The following PDE10A variants were observed in gnomAD, a reference collection of about 807,000 sequenced individuals.
PDE10A encodes phosphodiesterase 10A.
A neutral mutation model predicts 97.7 loss-of-function variants in PDE10A; 39 were observed. That is an observed-to-expected ratio of 0.40 (90% CI 0.31 to 0.52). The LOEUF is 0.52. Among genes scored for constraint, PDE10A ranks in the 20% least tolerant of loss-of-function variants. The pLI, the probability that PDE10A is intolerant of heterozygous loss-of-function variation, is 0.56. For missense variants in PDE10A, 731 were observed against 1,047.8 expected, an observed-to-expected ratio of 0.70 and a Z score of 4.17; for synonymous variants, 371 against 376.8, an observed-to-expected ratio of 0.98 and a Z score of 0.18.
At chr6:165,563,148 C>T (rs1233400002) in intron 1 of PDE10A, among the ~76,000 whole-genome samples, 5 of 132,466 alleles carry the variant, frequency 3.8e-5, no homozygotes, top group East Asian at 4.3e-4. Context: ...ATCCCACAAC[C>T]GAATACAGGA....
At chr6:165,881,897 A>G (rs1354175022) in intron 1 of PDE10A, among the ~76,000 whole-genome samples, 1 of 152,182 alleles carries the variant, frequency 6.6e-6, no homozygotes, top group East Asian at 1.9e-4. Context: ...TTGAAAAAAC[A>G]TTGCCCGTGA....
At chr6:165,487,560 C>T (rs1394434088) in intron 2 of PDE10A, among the ~76,000 whole-genome samples, 1 of 152,160 alleles carries the variant, frequency 6.6e-6, no homozygotes, top group Non-Finnish European at 1.5e-5. Context: ...CAAAACTGGT[C>T]CCTGGTGCCA....
intron 3 of PDE10A, among the ~76,000 whole-genome samples, chr6:165,475,599 T>C (rs1315667700): frequency 6.6e-6 from 1 of 152,144 alleles, no homozygotes; most frequent in African/African-American, 2.4e-5. Context: ...ATCAAGTCCA[T>C]AAAAAATATT....
chr6:165,624,748 G>GC (rs1378472750), intron 1 of PDE10A, among the ~76,000 whole-genome samples: 1 of 152,222 alleles, frequency 6.6e-6, no homozygotes, highest in Non-Finnish European at 1.5e-5. Context: ...CCAGGTTCTT[G>GC]CCTTCAACAT....
chr6:165,924,174 T>C (rs1217346154), intron 1 of PDE10A, among the ~76,000 whole-genome samples: 1 of 152,312 alleles, frequency 6.6e-6, no homozygotes, highest in East Asian at 1.9e-4. Context: ...GTGTGTACAA[T>C]TCATGGTTTC....
intron 1 of PDE10A, among the ~76,000 whole-genome samples, chr6:165,657,265 TTC>T (rs1422898603): frequency 1.3e-5 from 2 of 152,248 alleles, no homozygotes; most frequent in Non-Finnish European, 2.9e-5. Flanking sequence ...ACTGGATACC[TTC>T]TGATTTCCTT....
chr6:165,700,438 C>A (rs1477089133), intron 1 of PDE10A, among the ~76,000 whole-genome samples: 1 of 151,994 alleles, frequency 6.6e-6, no homozygotes, highest in South Asian at 2.1e-4. Context: ...TTAAATTGCA[C>A]ATTTCACACA....
At chr6:165,927,723 GTCTC>G (rs1782987721) in intron 1 of PDE10A, among the ~76,000 whole-genome samples, 1 of 136,954 alleles carries the variant, frequency 7.3e-6, no homozygotes, top group Non-Finnish European at 1.5e-5. Flanking sequence ...AGACAGAGGA[GTCTC>G]TCTCTGTTGC....
intron 1 of PDE10A, among the ~76,000 whole-genome samples, chr6:165,596,676 G>C (rs1487735665): frequency 6.6e-6 from 1 of 152,154 alleles, no homozygotes; most frequent in Non-Finnish European, 1.5e-5. Context: ...GCTGCAGGTA[G>C]CCATGATTGT....
At chr6:165,552,380 G>A (rs1022629687) in intron 1 of PDE10A, among the ~76,000 whole-genome samples, 14 of 152,190 alleles carry the variant, frequency 9.2e-5, no homozygotes, top group African/African-American at 2.9e-4. Flanking sequence ...GGCTCTGGGG[G>A]TGTTCCCAGT....
chr6:165,519,785 T>A (rs1273071624), intron 2 of PDE10A, among the ~76,000 whole-genome samples: 1 of 152,222 alleles, frequency 6.6e-6, no homozygotes, highest in Admixed American at 6.6e-5. Flanking sequence ...TATTTATATA[T>A]TTTTAAGTTG....
chr6:165,727,564 A>T (rs899272118), intron 1 of PDE10A, among the ~76,000 whole-genome samples: 1 of 152,202 alleles, frequency 6.6e-6, no homozygotes, highest in African/African-American at 2.4e-5. Context: ...GGCCTCAGGG[A>T]GTGCACCAGC....
chr6:165,394,417 A>G (rs1583187440), intron 15 of PDE10A, among the ~76,000 whole-genome samples: 1 of 152,204 alleles, frequency 6.6e-6, no homozygotes, highest in Admixed American at 6.5e-5. Context: ...TTATGGCTGC[A>G]TAGTATTCCA....
chr6:165,472,749 A>C (rs1779088163), intron 3 of PDE10A, among the ~76,000 whole-genome samples: 1 of 152,186 alleles, frequency 6.6e-6, no homozygotes, highest in Non-Finnish European at 1.5e-5. Context: ...ATAGAGATGC[A>C]TTCTGGTAAA....
chr6:165,606,093 C>T (rs1787193040), intron 1 of PDE10A, among the ~76,000 whole-genome samples: 1 of 148,242 alleles, frequency 6.7e-6, no homozygotes, highest in Non-Finnish European at 1.5e-5. Context: ...CTGGGGAGAG[C>T]GCAGTCATTA....
intron 1 of PDE10A, among the ~76,000 whole-genome samples, chr6:165,779,055 T>C (rs1451733821): frequency 1.3e-5 from 2 of 152,222 alleles, no homozygotes; most frequent in East Asian, 1.9e-4. Context: ...ATTTCTTTTA[T>C]GGGTAGTGCT....
intron 1 of PDE10A, among the ~76,000 whole-genome samples, chr6:165,548,601 C>A (rs768305625): frequency 2.4e-4 from 36 of 152,092 alleles, no homozygotes; most frequent in Non-Finnish European, 5.0e-4. Flanking sequence ...ATTTGGGGTA[C>A]AATCTGGTCA....
chr6:165,798,059 G>A (rs1273915295), intron 1 of PDE10A, among the ~76,000 whole-genome samples: 5 of 152,028 alleles, frequency 3.3e-5, no homozygotes, highest in African/African-American at 9.7e-5. Flanking sequence ...TTTATTGAAG[G>A]GCTGCAGTGC....
chr6:165,443,948 C>T lies in PDE10A; in HGVS notation c.1194+4980G>A, dbSNP rs1395778120. On this transcript the variant is annotated intron_variant, in intron 5 of 21. Transcript: ENST00000539869. ...TCTTGGTGATTAATATTCGGCTCCT[C>T]GTATGCAAATTTCTGCAGCCAGTGG... 2.6e-5 allele frequency among the ~76,000 whole-genome samples: 4 copies of T among 152,176 alleles called. No homozygotes were observed. The East Asian group carries it at 5.8e-4, about 22-fold the overall frequency.
Sources: gnomAD v4.1 joint callset for allele counts (sites outside exome capture counted in the v4.1 genomes callset) on GRCh38, gnomAD v4.1.1 for gene constraint, MANE v1.5 for transcripts, NCBI Gene and HGNC (gene_info 2026-07-23, HGNC 2026-07-21) for gene names.